Variants in MDN1 observed in about 807,000 individuals in gnomAD.
The protein encoded by MDN1 is midasin.
MDN1 carries 266 observed loss-of-function variants against 669.2 expected under a neutral mutation model. The ratio of observed to expected loss-of-function variants is 0.40; its 90% CI spans 0.36 to 0.44. MDN1 has a LOEUF of 0.44. Among genes scored for constraint, MDN1 ranks in the 20% least tolerant of loss-of-function variants. MDN1 has a pLI of 1.00. For missense variants in MDN1, 5,940 were observed against 6,754.0 expected (o/e 0.88, Z 4.22); for synonymous variants, 2,385 against 2,457.1 (o/e 0.97, Z 0.87).
In MDN1 at chr6:89,819,094, G is replaced by A. The variant is rs890520072; in HGVS notation, c.102+412C>T. On this transcript the variant is annotated intron_variant, in intron 1 of 101. Coordinates refer to ENST00000369393, the MANE Select transcript of MDN1 (RefSeq NM_014611.3). ...CTTACGCACAGCAGGAATGCAATCA[G>A]TATTTGTCGATGGTTCCCCAAACTA... Among the ~76,000 whole-genome samples, 3 of 152,172 alleles carry A rather than the reference G, an allele frequency of 2.0e-5. No individual in the cohort carries two copies. The South Asian group carries it at 6.2e-4, about 32-fold the overall frequency.
Position 89,652,245 on chromosome 6 carries a change from G to A in MDN1, c.15862C>T (p.Leu5288=), listed in dbSNP as rs567413072. The change falls in exon 95 of 102, where the codon CTG becomes TTG. Residue 5288 remains leucine, a synonymous_variant. Coordinates refer to ENST00000369393, the MANE Select transcript of MDN1 (RefSeq NM_014611.3). ...LKDVNELRQE[L]ERQLEMWQPR... ...TGCCACATTTCCAGCTGTCTCTCCA[G>A]CTCCTGTCTTAGCTCATTGACATCT... The A allele has an allele frequency of 8.7e-6, 14 of 1,614,056 alleles. No individual in the cohort carries two copies. In the African/African-American group the frequency reaches 1.9e-4, roughly 22 times the overall value.
Position 89,652,637 on chromosome 6 carries a change from C to G in MDN1, c.15825+355G>C, listed in dbSNP as rs575545769. 2.6e-5 allele frequency among the ~76,000 whole-genome samples: 4 copies of G among 152,304 alleles called. No homozygotes were observed. The South Asian group carries it at 6.2e-4, about 24-fold the overall frequency. ...TTAAATAGCTCTTCATAAATACAGG[C>G]ACTAAGCCAAAGATTTTTTACTTAA... On this transcript the variant is annotated intron_variant, in intron 94 of 101. Transcript: ENST00000369393.
chr6:89,766,676 T>G (rs1286374714), intron 15 of MDN1, among the ~76,000 whole-genome samples: 1 of 152,210 alleles, frequency 6.6e-6, no homozygotes, highest in African/African-American at 2.4e-5. Flanking sequence ...TGAGAATGGC[T>G]ACACAAAATT....
intron 67 of MDN1, among the ~76,000 whole-genome samples, chr6:89,687,667 T>C (rs770310999): frequency 1.3e-5 from 2 of 152,226 alleles, no homozygotes; most frequent in Non-Finnish European, 2.9e-5. Context: ...ACAGTGTTTA[T>C]AGACTGGAGC....
chr6:89,776,390 G>A (rs956969468), intron 12 of MDN1, among the ~76,000 whole-genome samples: 2 of 152,196 alleles, frequency 1.3e-5, no homozygotes, highest in Admixed American at 1.3e-4. Flanking sequence ...GAACCTAGGA[G>A]GCAGAGGTTG....
At chr6:89,665,065 G>A (rs1810089888) in intron 84 of MDN1, among the ~76,000 whole-genome samples, 1 of 152,044 alleles carries the variant, frequency 6.6e-6, no homozygotes, top group Non-Finnish European at 1.5e-5. Context: ...GTCTCACTAT[G>A]TTGCCCAGCC....
At chr6:89,728,649 G>T (rs1280291658) in intron 36 of MDN1, among the ~76,000 whole-genome samples, 3 of 152,120 alleles carry the variant, frequency 2.0e-5, no homozygotes, top group Non-Finnish European at 2.9e-5. Context: ...TGGCCAACAT[G>T]GTGAAACCCT....
chr6:89,759,083 A>G, intron 17 of MDN1, 123 bp from the exon 18 acceptor site: 1 of 918,838 alleles, frequency 1.1e-6, no homozygotes, highest in East Asian at 2.6e-5. Flanking sequence ...ATGGGCCTAT[A>G]CTTTAACTGG....
At chr6:89,796,331 A>C (rs1394653916) in intron 2 of MDN1, among the ~76,000 whole-genome samples, 7 of 106,262 alleles carry the variant, frequency 6.6e-5, no homozygotes, top group African/African-American at 1.1e-4. Flanking sequence ...TCTCAAAAAA[A>C]AAAAAAAAAA....
Position 89,646,580 on chromosome 6 carries a change from C to G in MDN1, c.16419G>C (p.Met5473Ile), listed in dbSNP as rs944203370. The G allele has an allele frequency of 1.1e-5, 18 of 1,614,104 alleles. No individual in the cohort carries two copies. The highest frequency in any genetic ancestry group is 1.4e-5 in the Non-Finnish European group (17 of 1,180,000). Residue 5473 changes from methionine (M) to isoleucine (I), a missense_variant, in exon 100 of 102, where the codon ATG becomes ATC. By Grantham distance (10) the Met-to-Ile change is conservative. Around this residue, in one of 5 missense-constraint regions of MDN1, gnomAD observed 2,280 missense variants for 2,576.3 expected, o/e 0.88. Coordinates refer to ENST00000369393, the MANE Select transcript of MDN1 (RefSeq NM_014611.3). ...GCGAGAGCTGCTGAGCAGCTGCAAACATGTTGGCAACAGACTCTAGAAACT... is the reference window on the plus strand; with the variant it reads ...GCGAGAGCTGCTGAGCAGCTGCAAAGATGTTGGCAACAGACTCTAGAAACT... ...IAQFLESVAN[M>I]FAAAQQLSQN...
At chr6:89,708,139 A>G (rs1195354792) in intron 51 of MDN1, among the ~76,000 whole-genome samples, 1 of 151,954 alleles carries the variant, frequency 6.6e-6, no homozygotes. Flanking sequence ...CTGTCTCTAC[A>G]AAAAAGTACA....
intron 15 of MDN1, among the ~76,000 whole-genome samples, chr6:89,768,973 G>A (rs1287430733): frequency 1.3e-5 from 2 of 151,940 alleles, no homozygotes; most frequent in Admixed American, 6.6e-5. Flanking sequence ...AGGATCACTT[G>A]AGCCCAGAAA....
intron 9 of MDN1, among the ~76,000 whole-genome samples, chr6:89,782,898 C>G (rs757456376): frequency 6.6e-6 from 1 of 152,184 alleles, no homozygotes; most frequent in Non-Finnish European, 1.5e-5. Context: ...GGACATGTAT[C>G]AGTTCCCAAA....
chr6:89,685,145 A>T (rs1001252811), intron 70 of MDN1, among the ~76,000 whole-genome samples, 160 bp from the exon 71 acceptor site: 4 of 151,986 alleles, frequency 2.6e-5, no homozygotes, highest in African/African-American at 4.8e-5. Flanking sequence ...ATCCTGTCTG[A>T]GTTTAGCATT....
At chr6:89,721,186 T>A (rs567357423) in intron 40 of MDN1, among the ~76,000 whole-genome samples, 1 of 152,124 alleles carries the variant, frequency 6.6e-6, no homozygotes, top group Non-Finnish European at 1.5e-5. Context: ...TCCTGTGAGG[T>A]ATGGTGCTGG....
intron 2 of MDN1, among the ~76,000 whole-genome samples, chr6:89,801,547 G>A (rs377705096): frequency 6.6e-6 from 1 of 151,948 alleles, no homozygotes; most frequent in Non-Finnish European, 1.5e-5. Flanking sequence ...GCTACTTGGG[G>A]GGCTGAGGTG....
At chr6:89,788,341 A>G (rs1819077633) in intron 7 of MDN1, among the ~76,000 whole-genome samples, 1 of 152,216 alleles carries the variant, frequency 6.6e-6, no homozygotes, top group African/African-American at 2.4e-5. Flanking sequence ...GGATAGAATG[A>G]TTTAGAAGCA....
At chr6:89,776,844 C>G (rs1818380562) in intron 11 of MDN1, 149 bp from the exon 12 acceptor site, 1 of 479,992 alleles carries the variant, frequency 2.1e-6, no homozygotes, top group Non-Finnish European at 3.6e-6. Context: ...AAGGTACCAA[C>G]CCAGGACTGA....
chr6:89,693,964 G>A, intron 62 of MDN1, 110 bp downstream of exon 62: 1 of 822,892 alleles, frequency 1.2e-6, no homozygotes, highest in South Asian at 1.6e-5. Flanking sequence ...GCATCTAATT[G>A]CTAATGTAGT....
Sources: gnomAD v4.1 joint callset for allele counts (sites outside exome capture counted in the v4.1 genomes callset) on GRCh38, gnomAD v4.1.1 for gene constraint, gnomAD v4.1.1 regional missense constraint, MANE v1.5 for transcripts, NCBI Gene and HGNC (gene_info 2026-07-23, HGNC 2026-07-21) for gene names.